UGT2B7: variants seen among roughly 807,000 people sequenced by gnomAD.
The protein encoded by UGT2B7 is UDP glucuronosyltransferase family 2 member B7.
In UGT2B7, 51 loss-of-function variants were observed where a neutral mutation model predicts 51.9. That is an observed-to-expected ratio of 0.98 (90% CI 0.78 to 1.24). The LOEUF (loss-of-function observed/expected upper bound fraction) is 1.24, where lower values mean the gene tolerates loss of function less well. UGT2B7 is among the 50% of genes most tolerant of loss of function. The pLI, the probability that UGT2B7 is intolerant of heterozygous loss-of-function variation, is 0.00. For synonymous variants in UGT2B7, 225 were observed against 211.6 expected (o/e 1.06, Z -0.55); for missense variants, 727 against 628.4 (o/e 1.16, Z -1.68).
intron 5 of UGT2B7, 123 bp from the exon 6 acceptor site, chr4:69,112,334 T>G: frequency 7.4e-7 from 1 of 1,349,400 alleles, no homozygotes; most frequent in Non-Finnish European, 1.0e-6. Context: ...AGTTCAGCTC[T>G]TGAGAGAGGA....
At chr4:69,064,112 A>AAGAGAGAGAGAGAGAGAGAAAGAAAG (rs754723956) in intron 1 of UGT2B7, among the ~76,000 whole-genome samples, 3 of 86,798 alleles carry the variant, frequency 3.5e-5, no homozygotes, top group Non-Finnish European at 2.2e-5. Context: ...GAAAGAAAGA[A>AAGAGAGAGAGAGAGAGAGAAAGAAAG]AAAGAAAGAA....
upstream of UGT2B7, among the ~76,000 whole-genome samples, chr4:69,093,520 C>T (rs1719136810): frequency 6.6e-6 from 1 of 152,190 alleles, no homozygotes. Context: ...GCAATTCTAA[C>T]CTTCCACTTT....
chr4:69,072,524 T>A (rs1718622874), intron 1 of UGT2B7, among the ~76,000 whole-genome samples: 1 of 152,230 alleles, frequency 6.6e-6, no homozygotes, highest in South Asian at 2.1e-4. Context: ...ATGCAATGTT[T>A]CTTAAAAGAT....
At chr4:69,069,513 G>T (rs1292588367) in intron 1 of UGT2B7, 1 of 151,844 alleles carries the variant, frequency 6.6e-6, no homozygotes, top group Non-Finnish European at 1.5e-5. Context: ...TAACCACTAT[G>T]AAATAAAATA....
intron 2 of UGT2B7, among the ~76,000 whole-genome samples, chr4:69,101,759 TATTTAA>T (rs796690007): frequency 1.4e-4 from 21 of 152,308 alleles, no homozygotes; most frequent in African/African-American, 5.1e-4. Context: ...AATCTGAAAG[TATTTAA>T]ATTTAAACAT....
chr4:69,067,810 G>A (rs1718514264), intron 1 of UGT2B7, among the ~76,000 whole-genome samples: 1 of 152,010 alleles, frequency 6.6e-6, no homozygotes, highest in African/African-American at 2.4e-5. Flanking sequence ...GGAAACATTT[G>A]TCAGAGGTTT....
intron 1 of UGT2B7, among the ~76,000 whole-genome samples, chr4:69,061,457 A>T (rs1288972933): frequency 6.6e-6 from 1 of 152,244 alleles, no homozygotes; most frequent in East Asian, 1.9e-4. Context: ...TCTATTCTAA[A>T]GAAGAAGCCT....
At chr4:69,083,114 C>G (rs1176996669) in intron 1 of UGT2B7, among the ~76,000 whole-genome samples, 1 of 152,088 alleles carries the variant, frequency 6.6e-6, no homozygotes. Flanking sequence ...TTTAAGCTGA[C>G]TGTTGAGATC....
chr4:69,088,944 G>T (rs1002904636), intron 1 of UGT2B7, among the ~76,000 whole-genome samples: 1 of 152,156 alleles, frequency 6.6e-6, no homozygotes, highest in African/African-American at 2.4e-5. Flanking sequence ...TCTTCTTGGT[G>T]TGTGGAAGGG....
At chr4:69,060,792 G>A (rs1163292536) in intron 1 of UGT2B7, among the ~76,000 whole-genome samples, 2 of 152,154 alleles carry the variant, frequency 1.3e-5, no homozygotes, top group Non-Finnish European at 2.9e-5. Context: ...TGGACCAAAG[G>A]GGGCACCATT....
At chr4:69,086,605 G>T (rs1050311545) in intron 1 of UGT2B7, among the ~76,000 whole-genome samples, 2 of 151,786 alleles carry the variant, frequency 1.3e-5, no homozygotes, top group Non-Finnish European at 2.9e-5. Flanking sequence ...TCATATCACA[G>T]TCAATCTCTC....
At chr4:69,099,802 T>A (rs566643316) in intron 2 of UGT2B7, among the ~76,000 whole-genome samples, 2 of 152,180 alleles carry the variant, frequency 1.3e-5, no homozygotes, top group South Asian at 4.1e-4. Context: ...TGAGATATCA[T>A]TCTTCATTTA....
At chr4:69,080,547 CAAA>C (rs200513314) in intron 1 of UGT2B7, among the ~76,000 whole-genome samples, 4 of 132,974 alleles carry the variant, frequency 3.0e-5, no homozygotes, top group Non-Finnish European at 4.8e-5. Flanking sequence ...GACTCCGTCT[CAAA>C]AAAAAAAAAA....
intron 1 of UGT2B7, 143 bp from the exon 2 acceptor site, chr4:69,098,397 A>T: frequency 1.2e-6 from 1 of 816,376 alleles, no homozygotes; most frequent in Non-Finnish European, 1.7e-6. Context: ...ATTAAATTAT[A>T]TCTATATATG....
At chr4:69,100,672 G>A (rs1462462466) in intron 2 of UGT2B7, among the ~76,000 whole-genome samples, 1 of 151,994 alleles carries the variant, frequency 6.6e-6, no homozygotes, top group Non-Finnish European at 1.5e-5. Flanking sequence ...AATAGGAGGT[G>A]TAGAAGGACA....
At chr4:69,102,545 T>A (rs1352513389) in intron 2 of UGT2B7, among the ~76,000 whole-genome samples, 1 of 152,124 alleles carries the variant, frequency 6.6e-6, no homozygotes, top group African/African-American at 2.4e-5. Context: ...TAGCTCCATT[T>A]CTTTTCTCCC....
At chr4:69,063,602 G>A (rs1718406720) in intron 1 of UGT2B7, among the ~76,000 whole-genome samples, 1 of 152,110 alleles carries the variant, frequency 6.6e-6, no homozygotes, top group South Asian at 2.1e-4. Flanking sequence ...GTGGAAAGTT[G>A]AGCCTGATGA....
intron 1 of UGT2B7, chr4:69,066,461 A>G (rs1192128606): frequency 1.3e-5 from 2 of 152,130 alleles, no homozygotes; most frequent in Middle Eastern, 3.2e-3. Context: ...TATAGTGGGT[A>G]GTCCAGAATG....
chr4:69,054,738 C>A (rs1718136557), intron 1 of UGT2B7, among the ~76,000 whole-genome samples: 1 of 152,028 alleles, frequency 6.6e-6, no homozygotes, highest in African/African-American at 2.4e-5. Context: ...CTGCTCCAGT[C>A]ACACCCAGAA....
Sources: gnomAD v4.1 joint callset for allele counts (sites outside exome capture counted in the v4.1 genomes callset) on GRCh38, gnomAD v4.1.1 for gene constraint, MANE v1.5 for transcripts, NCBI Gene and HGNC (gene_info 2026-07-23, HGNC 2026-07-21) for gene names.